The following HADH variants were observed in gnomAD, a reference collection of about 807,000 sequenced individuals.
HADH encodes the protein hydroxyacyl-CoA dehydrogenase.
A neutral mutation model predicts 32.2 loss-of-function variants in HADH; 24 were observed. That is an observed-to-expected ratio of 0.75 (90% CI 0.54 to 1.05). The LOEUF is 1.05. Ranked by LOEUF, HADH falls within the 50% of genes least tolerant of loss-of-function variation. The probability of loss-of-function intolerance (pLI) is 0.00; values close to 1 mark genes in which losing one functional copy is unlikely to be tolerated. For missense variants in HADH, 350 were observed against 397.1 expected (o/e 0.88, Z 1.01); for synonymous variants, 139 against 152.5 (o/e 0.91, Z 0.65).
chr4:108,008,002 A>G (rs1418377452), intron 1 of HADH, among the ~76,000 whole-genome samples: 2 of 152,232 alleles, frequency 1.3e-5, no homozygotes, highest in African/African-American at 4.8e-5. Flanking sequence ...AAATGCTACT[A>G]TAATTTGAAA....
intron 1 of HADH, among the ~76,000 whole-genome samples, chr4:108,004,017 G>A (rs539946021): frequency 1.3e-5 from 2 of 152,246 alleles, no homozygotes; most frequent in African/African-American, 4.8e-5. Context: ...GCCCTTGCCT[G>A]TCTCAGTACT....
At chr4:108,014,688 A>G in intron 3 of HADH, 100 bp downstream of exon 3, 3 of 1,083,186 alleles carry the variant, frequency 2.8e-6, no homozygotes, top group Non-Finnish European at 4.1e-6. Flanking sequence ...GTACAAGTGC[A>G]GTTTTGTTCC....
intron 1 of HADH, among the ~76,000 whole-genome samples, chr4:108,001,758 T>G (rs1735125767): frequency 6.6e-6 from 1 of 152,220 alleles, no homozygotes; most frequent in African/African-American, 2.4e-5. Flanking sequence ...GACAGGACAA[T>G]TCAAGATTGC....
intron 3 of HADH, among the ~76,000 whole-genome samples, chr4:108,015,765 A>G (rs1402064325): frequency 6.6e-6 from 1 of 152,028 alleles, no homozygotes; most frequent in Non-Finnish European, 1.5e-5. Context: ...TAGGTCATGG[A>G]TACTCCTATG....
intron 6 of HADH, 176 bp downstream of exon 6, chr4:108,027,936 C>T: frequency 1.5e-6 from 1 of 649,552 alleles, no homozygotes. Flanking sequence ...ACTGTTTTCC[C>T]AGGGCCTCCT....
intron 1 of HADH, among the ~76,000 whole-genome samples, chr4:108,006,946 C>G (rs1384746777): frequency 3.3e-5 from 5 of 152,114 alleles, no homozygotes; most frequent in Non-Finnish European, 7.3e-5. Flanking sequence ...CCTCAGTTTT[C>G]CTCATCTATA....
At chr4:108,009,688 G>T in intron 1 of HADH, 71 bp from the exon 2 acceptor site, 1 of 1,293,178 alleles carries the variant, frequency 7.7e-7, no homozygotes, top group Non-Finnish European at 1.1e-6. Flanking sequence ...CTGTTTTTTG[G>T]GGTGGGGTGT....
chr4:108,007,838 A>G (rs1486059751), intron 1 of HADH, among the ~76,000 whole-genome samples: 1 of 152,198 alleles, frequency 6.6e-6, no homozygotes, highest in African/African-American at 2.4e-5. Context: ...ACTGTGGGTC[A>G]TGGGTTGGGC....
At chr4:108,003,821 AAAAAAC>A (rs1035685175) in intron 1 of HADH, among the ~76,000 whole-genome samples, 2 of 152,042 alleles carry the variant, frequency 1.3e-5, no homozygotes, top group African/African-American at 4.8e-5. Flanking sequence ...TAAAAAAAAA[AAAAAAC>A]AAAAAAAAAA....
chr4:108,015,626 C>T (rs6816061), intron 3 of HADH, among the ~76,000 whole-genome samples: 131,859 of 152,142 alleles, frequency 0.87, 58,024 homozygotes, highest in East Asian at 0.97. Context: ...GTTCTCCATC[C>T]TCCCACTCCC....
At chr4:107,998,214 G>A (rs559056635) in intron 1 of HADH, among the ~76,000 whole-genome samples, 2 of 152,304 alleles carry the variant, frequency 1.3e-5, no homozygotes, top group Non-Finnish European at 2.9e-5. Context: ...ATGTTACAGG[G>A]CATATGGGGG....
chr4:108,004,799 C>T (rs1735238649), intron 1 of HADH: 5 of 1,535,976 alleles, frequency 3.3e-6, no homozygotes, highest in Middle Eastern at 1.7e-4. Flanking sequence ...TTAGGAGTTA[C>T]TACACTTCAA....
intron 1 of HADH, among the ~76,000 whole-genome samples, chr4:108,003,105 CTTTTTTTTTT>C (rs11390276): frequency 8.1e-6 from 1 of 124,214 alleles, no homozygotes; most frequent in Non-Finnish European, 1.6e-5. Context: ...GTGTCTTAGT[CTTTTTTTTTT>C]TTTTTTTTTG....
At chr4:108,033,691 C>T (rs1219972124) in intron 7 of HADH, among the ~76,000 whole-genome samples, 2 of 152,170 alleles carry the variant, frequency 1.3e-5, no homozygotes, top group African/African-American at 4.8e-5. Flanking sequence ...AGATACACAT[C>T]CATTTTAAAA....
intron 1 of HADH, among the ~76,000 whole-genome samples, chr4:107,993,242 A>C (rs1048261903): frequency 6.6e-6 from 1 of 152,168 alleles, no homozygotes. Flanking sequence ...GTTTAGATGG[A>C]GAATATTGGT....
intron 6 of HADH, chr4:108,028,075 C>T: frequency 2.3e-6 from 1 of 430,632 alleles, no homozygotes; most frequent in Non-Finnish European, 4.2e-6. Flanking sequence ...AAAAGGTTTA[C>T]TGCTTTTAAA....
At chr4:108,000,725 T>C (rs1220534580) in intron 1 of HADH, among the ~76,000 whole-genome samples, 1 of 152,102 alleles carries the variant, frequency 6.6e-6, no homozygotes, top group East Asian at 1.9e-4. Flanking sequence ...TTGAAGTCCA[T>C]GAAGCAGCAA....
At chr4:107,992,654 C>T (rs1241469622) in intron 1 of HADH, among the ~76,000 whole-genome samples, 2 of 152,172 alleles carry the variant, frequency 1.3e-5, no homozygotes, top group African/African-American at 4.8e-5. Flanking sequence ...TCGGTTTTCT[C>T]ATCTCTAAAG....
chr4:108,024,769 G>A (rs1264211199), intron 5 of HADH: 3 of 152,222 alleles, frequency 2.0e-5, no homozygotes, highest in Non-Finnish European at 2.9e-5. Context: ...AAAAGATATG[G>A]AAACAGAAGT....
Sources: allele counts gnomAD v4.1 joint callset (sites outside exome capture counted in the v4.1 genomes callset), GRCh38; gene constraint gnomAD v4.1.1; transcripts MANE v1.5; gene names NCBI Gene and HGNC (gene_info 2026-07-23, HGNC 2026-07-21).